Variants in NLRP5 observed in about 807,000 individuals in gnomAD.
NLRP5 encodes NLR family pyrin domain containing 5.
Under a neutral mutation model 113.1 loss-of-function variants are expected in NLRP5, and 93 were observed. That is an observed-to-expected ratio of 0.82 (90% CI 0.70 to 0.98). The LOEUF is 0.98. NLRP5 is among the 50% of genes least tolerant of loss of function. The probability of loss-of-function intolerance (pLI) is 0.00; values close to 1 mark genes in which losing one functional copy is unlikely to be tolerated. For synonymous variants in NLRP5, 751 were observed against 600.7 expected, an observed-to-expected ratio of 1.25 and a Z score of -3.66; for missense variants, 1,808 against 1,514.3, an observed-to-expected ratio of 1.19 and a Z score of -3.22.
Position 56,027,005 on chromosome 19 carries a change from G to C in NLRP5, c.772G>C (p.Ala258Pro). 2 of 1,551,874 alleles carry C rather than the reference G, an allele frequency of 1.3e-6. No homozygotes were observed. The highest frequency in any genetic ancestry group is 1.7e-6 in the Non-Finnish European group (2 of 1,147,068). The change falls in exon 7 of 15, where the codon GCT becomes CCT. Residue 258 changes from alanine (A) to proline (P), a missense_variant. Coordinates refer to ENST00000390649, the MANE Select transcript of NLRP5 (RefSeq NM_153447.4). ...ACGTCGTAGTTTTGAAAACACTGCT[G>C]CTGACTGGCCGGAAATGCAAACGTT...
At position 56,056,429 on chromosome 19, in the gene NLRP5, C is replaced by T. The variant is rs150712259; in HGVS notation, c.3300-1811C>T. ...AAAGTTAGCCGGGCTTGGTGGCGTACGCCTGTAATCCCAGCTACTCAGGAG... is the reference window on the plus strand; with the variant it reads ...AAAGTTAGCCGGGCTTGGTGGCGTATGCCTGTAATCCCAGCTACTCAGGAG... On this transcript the variant is annotated intron_variant, in intron 13 of 14. Coordinates refer to ENST00000390649, the MANE Select transcript of NLRP5 (RefSeq NM_153447.4). Among the ~76,000 whole-genome samples the T allele has an allele frequency of 7.0e-3, 1,065 of 152,210 alleles. 9 individuals carry two copies. Among genetic ancestry groups the T allele is most frequent in the African/African-American group, 7.4e-3 (309 of 41,540 alleles).
At chr19:56,022,989 G>C (rs1346839099) in intron 6 of NLRP5, among the ~76,000 whole-genome samples, 1 of 152,160 alleles carries the variant, frequency 6.6e-6, no homozygotes, top group Non-Finnish European at 1.5e-5. Flanking sequence ...GCCTCCCAAA[G>C]TGCTGGGATT....
chr19:56,019,949 G>C (rs1982551530), intron 5 of NLRP5, among the ~76,000 whole-genome samples: 1 of 151,258 alleles, frequency 6.6e-6, no homozygotes, highest in African/African-American at 2.4e-5. Flanking sequence ...CGATTCTTCT[G>C]TCTCAGCCTC....
Position 56,032,696 on chromosome 19 carries a change from C to T in NLRP5, c.2362C>T (p.Leu788=). ...CCACCCACACCTGCGGCAGCTGGAC[C>T]TGGGCAGCAGCATCCTGACAGAGCG... Residue 788 remains leucine, a synonymous_variant, in exon 8 of 15, where the codon CTG becomes TTG. Transcript: ENST00000390649. 6.2e-7 allele frequency: 1 copy of T among 1,613,618 alleles called. No individual in the cohort carries two copies. Among genetic ancestry groups the T allele is most frequent in the South Asian group, 1.1e-5 (1 of 91,030 alleles).
At chr19:56,014,268 C>T (rs933824669) in intron 3 of NLRP5, among the ~76,000 whole-genome samples, 1 of 152,058 alleles carries the variant, frequency 6.6e-6, no homozygotes, top group African/African-American at 2.4e-5. Context: ...ATCACAAGAT[C>T]AGGATATCCA....
rs755381134 is a variant in NLRP5 at position 56,032,686 on chromosome 19, G to A, written c.2352G>A (p.Arg784=). ...TGCTTGGCACCCACCCACACCTGCG[G>A]CAGCTGGACCTGGGCAGCAGCATCC... Residue 784 remains arginine (R), a synonymous_variant, in exon 8 of 15, where the codon CGG becomes CGA. Transcript: ENST00000390649. The A allele has an allele frequency of 2.3e-5, 37 of 1,613,614 alleles. No homozygotes were observed. Among genetic ancestry groups the A allele is most frequent in the East Asian group, 6.7e-5 (3 of 44,884 alleles).
chr19:55,993,206 A>G, the NLRP5 span, among the ~76,000 whole-genome samples: 1 of 151,684 alleles, frequency 6.6e-6, no homozygotes, highest in Non-Finnish European at 1.5e-5. Context: ...GGGACTTAGC[A>G]TATTCATCAC....
rs568584017 is a variant in NLRP5, at chr19:56,005,625, T to C, written c.442+1530T>C. On this transcript the variant is annotated intron_variant, in intron 2 of 14. Coordinates refer to ENST00000390649, the MANE Select transcript of NLRP5 (RefSeq NM_153447.4). Reference sequence around the variant, plus strand: ...ATGCCTGTACACACATATATATTTATACACACACACACACACACGCGCGCA... The same window carrying C: ...ATGCCTGTACACACATATATATTTACACACACACACACACACACGCGCGCA... Among the ~76,000 whole-genome samples the C allele has an allele frequency of 1.7e-3, 242 of 139,144 alleles. 1 individual carries two copies. Among genetic ancestry groups the C allele is most frequent in the African/African-American group, 4.8e-3 (180 of 37,362 alleles). 91.3% of individuals were successfully genotyped at this position (139,144 alleles called of 152,430 possible). A position where few individuals can be genotyped will look rare whatever the true frequency, so the allele number is the denominator to read the frequency against.
chr19:56,055,813 G>A (rs1474417338), intron 13 of NLRP5, among the ~76,000 whole-genome samples: 1 of 152,000 alleles, frequency 6.6e-6, no homozygotes, highest in East Asian at 1.9e-4. Context: ...CCAAAGTGCT[G>A]GGATTACAGG....
Position 56,008,827 on chromosome 19 carries a change from A to C in NLRP5, c.482A>C (p.Gln161Pro). 6.2e-7 allele frequency: 1 copy of C among 1,612,620 alleles called. No homozygotes were observed. The highest frequency in any genetic ancestry group is 8.5e-7 in the Non-Finnish European group (1 of 1,179,378). Reference sequence around the variant, plus strand: ...GATCCTGAAGCAACGATGACTGACCAAGGACCAAGCAAGGAAAAAGTGCCA... The same window carrying C: ...GATCCTGAAGCAACGATGACTGACCCAGGACCAAGCAAGGAAAAAGTGCCA... Residue 161 changes from glutamine to proline, a missense_variant, in exon 3 of 15, where the codon CAA becomes CCA. Transcript: ENST00000390649.
At chr19:55,999,322 C>G (rs910632872), upstream of NLRP5, among the ~76,000 whole-genome samples, 2 of 144,680 alleles carry the variant, frequency 1.4e-5, no homozygotes, top group Non-Finnish European at 3.0e-5. Context: ...TCAAGTGATT[C>G]TTCTGCCTCA....
chr19:56,026,162 A>G (rs892056), intron 6 of NLRP5, among the ~76,000 whole-genome samples: 20,405 of 152,040 alleles, frequency 0.13, 1,716 homozygotes, highest in Non-Finnish European at 0.19. Context: ...AACAAGACCC[A>G]TGTCTGGAGG....
At chr19:56,056,000 G>C (rs10221468) in intron 13 of NLRP5, among the ~76,000 whole-genome samples, 16,469 of 152,132 alleles carry the variant, frequency 0.11, 1,009 homozygotes, top group African/African-American at 0.17. Context: ...ATGGCGAGTT[G>C]CTGTTGTGTG....
chr19:56,025,880 A>G (rs1982824575), intron 6 of NLRP5, among the ~76,000 whole-genome samples: 1 of 152,120 alleles, frequency 6.6e-6, no homozygotes, highest in Middle Eastern at 3.4e-3. Flanking sequence ...GTTGGCATAC[A>G]TCATTCATTT....
At position 56,025,747 on chromosome 19, in the gene NLRP5, G is replaced by A. The variant is rs541337270; in HGVS notation, c.680-1166G>A. On this transcript the variant is annotated intron_variant, in intron 6 of 14. Transcript: ENST00000390649. Reference sequence around the variant, plus strand: ...ATGTACAGCAGGATTCCCCCATTGCGTGGGGGAAACCAAGGGATGGAACAG... The same window carrying A: ...ATGTACAGCAGGATTCCCCCATTGCATGGGGGAAACCAAGGGATGGAACAG... Among the ~76,000 whole-genome samples the A allele has an allele frequency of 1.4e-3, 207 of 152,092 alleles. 1 individual carries two copies. Among genetic ancestry groups the A allele is most frequent in the African/African-American group, 4.8e-3 (200 of 41,524 alleles).
intron 7 of NLRP5, among the ~76,000 whole-genome samples, chr19:56,031,096 G>T (rs1453400861): frequency 1.3e-5 from 2 of 151,572 alleles, no homozygotes; most frequent in African/African-American, 4.8e-5. Flanking sequence ...TCAGACACGT[G>T]GGAAGGTATA....
chr19:56,056,636 A>G (rs1407411332), intron 13 of NLRP5, among the ~76,000 whole-genome samples: 1 of 152,192 alleles, frequency 6.6e-6, no homozygotes, highest in Non-Finnish European at 1.5e-5. Flanking sequence ...TGGGAATCCC[A>G]CAATCATCCG....
intron 3 of NLRP5, among the ~76,000 whole-genome samples, chr19:56,015,507 A>G (rs530183081): frequency 1.7e-4 from 25 of 151,392 alleles, no homozygotes; most frequent in African/African-American, 6.0e-4. Context: ...TGTTCATTTT[A>G]TTTTGTTTAC....
At chr19:56,033,767 T>G in intron 9 of NLRP5, 58 bp downstream of exon 9, 4 of 1,463,606 alleles carry the variant, frequency 2.7e-6, no homozygotes, top group Non-Finnish European at 3.7e-6. Flanking sequence ...GTGTTTGAAA[T>G]GATTACATAA....
Sources: gnomAD v4.1 joint callset for allele counts (sites outside exome capture counted in the v4.1 genomes callset) on GRCh38, gnomAD v4.1.1 for gene constraint, MANE v1.5 for transcripts, NCBI Gene and HGNC (gene_info 2026-07-23, HGNC 2026-07-21) for gene names.